The following CEP20 variants were observed in gnomAD, a reference collection of about 807,000 sequenced individuals.
CEP20 encodes the protein FGFR1OP N-terminal like.
In CEP20, 18 loss-of-function variants were observed where a neutral mutation model predicts 20.0. The ratio of observed to expected loss-of-function variants is 0.90; its 90% CI spans 0.62 to 1.34. The LOEUF (loss-of-function observed/expected upper bound fraction) is 1.34. Ranked by LOEUF, CEP20 falls within the 40% of genes most tolerant of loss-of-function variation. The pLI is 0.00. For missense variants in CEP20, 215 were observed against 201.6 expected (o/e 1.07, Z -0.40); for synonymous variants, 77 against 73.7 (o/e 1.04, Z -0.23).
intron 3 of CEP20, among the ~76,000 whole-genome samples, chr16:15,877,630 G>T (rs1366117187): frequency 6.6e-6 from 1 of 152,136 alleles, no homozygotes. Flanking sequence ...GGCCAGGCAT[G>T]ATGGTGCATG....
At chr16:15,871,639 G>C (rs547789089) in intron 4 of CEP20, among the ~76,000 whole-genome samples, 3 of 152,122 alleles carry the variant, frequency 2.0e-5, no homozygotes, top group Non-Finnish European at 4.4e-5. Context: ...ATCTGCTACA[G>C]GTCTTAGTTG....
intron 2 of CEP20, among the ~76,000 whole-genome samples, chr16:15,883,693 G>A (rs1267646575): frequency 6.6e-6 from 1 of 152,006 alleles, no homozygotes; most frequent in African/African-American, 2.4e-5. Flanking sequence ...TACTTAATCA[G>A]CGTATATTTT....
chr16:15,883,963 G>A, intron 2 of CEP20, 45 bp downstream of exon 2: 4 of 1,506,790 alleles, frequency 2.7e-6, no homozygotes, highest in South Asian at 1.2e-5. Flanking sequence ...GAGAATTGGG[G>A]AAAGGGGAGA....
chr16:15,877,650 G>T (rs2044987445), intron 3 of CEP20, among the ~76,000 whole-genome samples: 1 of 152,136 alleles, frequency 6.6e-6, no homozygotes, highest in African/African-American at 2.4e-5. Flanking sequence ...GCCAGCGTAT[G>T]CCTGTAATTC....
At chr16:15,869,629 A>G (rs984100823) in intron 4 of CEP20, among the ~76,000 whole-genome samples, 1 of 152,178 alleles carries the variant, frequency 6.6e-6, no homozygotes, top group Non-Finnish European at 1.5e-5. Context: ...ATTTTCAAGT[A>G]AAAGCCAATT....
chr16:15,872,539 T>C (rs1348487136), intron 4 of CEP20, among the ~76,000 whole-genome samples: 1 of 151,970 alleles, frequency 6.6e-6, no homozygotes, highest in Non-Finnish European at 1.5e-5. Context: ...GAGACTTCCA[T>C]GTCCACAAAA....
At chr16:15,878,550 G>A (rs2045012057) in intron 3 of CEP20, among the ~76,000 whole-genome samples, 2 of 150,862 alleles carry the variant, frequency 1.3e-5, no homozygotes, top group African/African-American at 2.4e-5. Context: ...AGGCTAGAGT[G>A]CAGTGGTGTG....
intron 1 of CEP20, among the ~76,000 whole-genome samples, chr16:15,887,985 G>A (rs1291862625): frequency 6.6e-6 from 1 of 151,724 alleles, no homozygotes; most frequent in Non-Finnish European, 1.5e-5. Context: ...AGCTGAGGTG[G>A]GAGGATAGCT....
In CEP20 at chr16:15,867,496, C is replaced by T; in HGVS notation, c.469G>A (p.Glu157Lys). 1 of 1,605,036 alleles carries T rather than the reference C, an allele frequency of 6.2e-7. No individual in the cohort carries two copies. Among genetic ancestry groups the T allele is most frequent in the Non-Finnish European group, 8.5e-7 (1 of 1,174,320 alleles). ...TCTTCAATGTTAGTACTTTTCTGTT[C>T]CTCCTTTCTTAGGTGGTCATCTGAA... ...KPMDDHLRKE[E>K]QKSTNIEDLH... Residue 157 changes from glutamate to lysine, a missense_variant, in exon 5 of 5, where the codon GAA (glutamate) becomes AAA (lysine). Coordinates refer to ENST00000255759, the MANE Select transcript of CEP20 (RefSeq NM_144600.4).
intron 4 of CEP20, among the ~76,000 whole-genome samples, chr16:15,872,841 G>A (rs2044853499): frequency 6.6e-6 from 1 of 152,008 alleles, no homozygotes; most frequent in Admixed American, 6.5e-5. Flanking sequence ...TGAAAGAAAT[G>A]TGGGCGATTC....
intron 3 of CEP20, 92 bp from the exon 4 acceptor site, chr16:15,873,719 T>C (rs1352037493): frequency 3.6e-5 from 49 of 1,355,218 alleles, no homozygotes; most frequent in Non-Finnish European, 4.1e-5. Flanking sequence ...AAAGGTAACC[T>C]CTGACATCAA....
At chr16:15,886,446 T>A (rs1169748297) in intron 1 of CEP20, among the ~76,000 whole-genome samples, 1 of 152,224 alleles carries the variant, frequency 6.6e-6, no homozygotes, top group East Asian at 1.9e-4. Flanking sequence ...TGAACCCCTA[T>A]TCTCTAATTC....
At position 15,867,417 on chromosome 16, in the gene CEP20, C is replaced by A. The variant is rs762989983; in HGVS notation, c.*23G>T. On this transcript the variant is annotated 3_prime_UTR_variant, in exon 5 of 5. Coordinates refer to ENST00000255759, the MANE Select transcript of CEP20 (RefSeq NM_144600.4). ...TTTAATTAATAATACAATTTTAAGA[C>A]AAAAGATACCCCAAACAAAGCATTA... 2 of 1,544,358 alleles carry A rather than the reference C, an allele frequency of 1.3e-6. No individual in the cohort carries two copies. The highest frequency in any genetic ancestry group is 1.8e-6 in the Non-Finnish European group (2 of 1,137,974).
At chr16:15,868,475 G>A (rs2044739441) in intron 4 of CEP20, among the ~76,000 whole-genome samples, 1 of 152,102 alleles carries the variant, frequency 6.6e-6, no homozygotes. Flanking sequence ...CAACAAAAAT[G>A]TAATGCAAAA....
chr16:15,869,507 C>T lies in CEP20; in HGVS notation c.449-1991G>A, dbSNP rs182994567. On this transcript the variant is annotated intron_variant, in intron 4 of 4. Transcript: ENST00000255759. ...TGTATTTTCAGTAGAGACAGGGTTT[C>T]ACCATGTTGGCTAGGCTGGTCTCGA... is the stretch of plus-strand genomic sequence containing the variant. 1.4e-3 allele frequency among the ~76,000 whole-genome samples: 220 copies of T among 152,190 alleles called. 3 individuals carry two copies. In the East Asian group the frequency reaches 0.034, roughly 23 times the overall value.
chr16:15,882,775 CT>C (rs2045134607), intron 2 of CEP20, among the ~76,000 whole-genome samples: 1 of 64,296 alleles, frequency 1.6e-5, no homozygotes, highest in Non-Finnish European at 2.9e-5. Context: ...ATCTATCTAT[CT>C]ATCTAGATAC....
In CEP20 at chr16:15,873,487, A is replaced by T; in HGVS notation, c.448+4T>A. On this transcript the variant is annotated splice_donor_region_variant and intron_variant, in intron 4 of 4. Coordinates refer to ENST00000255759, the MANE Select transcript of CEP20 (RefSeq NM_144600.4). ...CTAAATGATGAATCTTGGAAAACTC[A>T]TACCCATTGGCTTTCTTCTACTAGG... is the stretch of plus-strand genomic sequence containing the variant. 6.2e-7 allele frequency: 1 copy of T among 1,610,612 alleles called. No individual in the cohort carries two copies. Among genetic ancestry groups the T allele is most frequent in the Non-Finnish European group, 8.5e-7 (1 of 1,178,938 alleles).
intron 4 of CEP20, among the ~76,000 whole-genome samples, chr16:15,867,980 A>C (rs1596983462): frequency 6.6e-6 from 1 of 151,340 alleles, no homozygotes; most frequent in South Asian, 2.1e-4. Context: ...TCTCAAAAAA[A>C]AAAAAAAAAA....
chr16:15,876,648 ACATGTATCTGG>A (rs1454031219), intron 3 of CEP20, among the ~76,000 whole-genome samples: 2 of 152,234 alleles, frequency 1.3e-5, no homozygotes, highest in East Asian at 3.9e-4. Flanking sequence ...GGATTTTCAA[ACATGTATCTGG>A]CCTCAGTGGT....
Sources: allele counts gnomAD v4.1 joint callset (sites outside exome capture counted in the v4.1 genomes callset), GRCh38; gene constraint gnomAD v4.1.1; transcripts MANE v1.5; gene names NCBI Gene and HGNC (gene_info 2026-07-23, HGNC 2026-07-21).